CDCA2: variants seen among roughly 807,000 people sequenced by gnomAD.
CDCA2 encodes the protein cell division cycle-associated protein 2.
A neutral mutation model predicts 67.0 loss-of-function variants in CDCA2; 44 were observed. That is an observed-to-expected ratio of 0.66 (90% confidence interval 0.52 to 0.84). The LOEUF is 0.84. Among genes scored for constraint, CDCA2 ranks in the 40% least tolerant of loss-of-function variants. The pLI is 0.00. For synonymous variants in CDCA2, 447 were observed against 418.7 expected (o/e 1.07, Z -0.82); for missense variants, 1,253 against 1,203.2 (o/e 1.04, Z -0.61).
chr8:25,463,706 G>A (rs529946132), intron 4 of CDCA2, among the ~76,000 whole-genome samples: 1 of 152,278 alleles, frequency 6.6e-6, no homozygotes, highest in Non-Finnish European at 1.5e-5. Flanking sequence ...TCAAGGAGAG[G>A]CATTCATTTA....
intron 7 of CDCA2, among the ~76,000 whole-genome samples, chr8:25,470,731 T>G (rs1371428017): frequency 1.3e-5 from 2 of 151,988 alleles, no homozygotes; most frequent in Non-Finnish European, 2.9e-5. Context: ...CAAGATGTTG[T>G]TTTTGGATTA....
chr8:25,483,860 C>A, intron 9 of CDCA2, 106 bp from the exon 10 acceptor site: 1 of 1,007,672 alleles, frequency 9.9e-7, no homozygotes, highest in Non-Finnish European at 1.4e-6. Context: ...AGCTATTATA[C>A]AAATAATAGC....
In CDCA2 at chr8:25,507,506, A is replaced by C. The variant is rs538582951; in HGVS notation, c.2840A>C (p.Lys947Thr). 1,116 of 1,613,806 alleles carry C rather than the reference A, an allele frequency of 6.9e-4. 18 individuals carry two copies. The South Asian group carries it at 0.012, about 17-fold the overall frequency. The change falls in exon 15 of 15, where the codon AAA becomes ACA. Residue 947 changes from lysine (K) to threonine (T), a missense_variant. Coordinates refer to ENST00000330560, the MANE Select transcript of CDCA2 (RefSeq NM_152562.4). ...PIKETVSSRQ[K>T]PQMAPPVSDP... ...AAAGAAACTGTGTCCTCCAGACAAA[A>C]ACCGCAGATGGCACCTCCCGTCTCA...
rs115998499 is a variant in CDCA2 at position 25,503,517 on chromosome 8, A to G, written c.1816A>G (p.Ile606Val). Residue 606 changes from isoleucine (I) to valine (V), a missense_variant, in exon 14 of 15, where the codon ATT (isoleucine) becomes GTT (valine). Physicochemically the swap from Ile to Val is conservative, Grantham distance 29 (BLOSUM62 3). Coordinates refer to ENST00000330560, the MANE Select transcript of CDCA2 (RefSeq NM_152562.4). ...TGAAGTCCCTGAGATGACACCTTCC[A>G]TTCCGAGCATCCGAAGACTGGGTTC... ...LPEVPEMTPS[I>V]PSIRRLGSGY... The G allele has an allele frequency of 1.3e-3, 2,108 of 1,611,560 alleles. 3 individuals are homozygous for G. The highest frequency in any genetic ancestry group is 1.5e-3 in the Non-Finnish European group (1,825 of 1,179,436).
At chr8:25,482,168 A>G (rs772681453) in intron 8 of CDCA2, among the ~76,000 whole-genome samples, 5 of 152,156 alleles carry the variant, frequency 3.3e-5, no homozygotes, top group Admixed American at 6.5e-5. Context: ...TTCTTTCCTA[A>G]CTTGCCTACA....
At chr8:25,477,773 A>G (rs1372447389) in intron 7 of CDCA2, among the ~76,000 whole-genome samples, 1 of 152,068 alleles carries the variant, frequency 6.6e-6, no homozygotes, top group African/African-American at 2.4e-5. Context: ...CCTAATAAAC[A>G]TCTCAAACTG....
At chr8:25,462,254 T>A in intron 4 of CDCA2, 46 bp downstream of exon 4, 2 of 1,589,072 alleles carry the variant, frequency 1.3e-6, no homozygotes, top group Non-Finnish European at 1.7e-6. Context: ...TTAATGAAGC[T>A]TTTGTGCTTT....
intron 4 of CDCA2, among the ~76,000 whole-genome samples, chr8:25,463,598 A>G (rs909121665): frequency 6.6e-6 from 1 of 152,016 alleles, no homozygotes; most frequent in African/African-American, 2.4e-5. Flanking sequence ...TACTCCTTCT[A>G]CTGATTAAAA....
chr8:25,501,603 C>T (rs1370178418), intron 13 of CDCA2, among the ~76,000 whole-genome samples: 1 of 152,218 alleles, frequency 6.6e-6, no homozygotes, highest in African/African-American at 2.4e-5. Flanking sequence ...TTCTGCATCG[C>T]CCCCATAGTA....
At chr8:25,490,986 A>C (rs1179867697) in intron 13 of CDCA2, among the ~76,000 whole-genome samples, 1 of 152,244 alleles carries the variant, frequency 6.6e-6, no homozygotes. Context: ...CTGACTTCAG[A>C]GAAATAGGTT....
intron 14 of CDCA2, among the ~76,000 whole-genome samples, chr8:25,504,182 A>G (rs186245929): frequency 6.6e-6 from 1 of 152,214 alleles, no homozygotes; most frequent in African/African-American, 2.4e-5. Flanking sequence ...TTATTTTATT[A>G]TCAAGTCAGT....
rs558878713 is a variant in CDCA2, at chr8:25,464,104, A to G, written c.387+1896A>G. ...CCTGTAACTACGTTTATATGTTTTC[A>G]GAATTTCACTCTAAACGGTAATTTC... On this transcript the variant is annotated intron_variant, in intron 4 of 14. Coordinates refer to ENST00000330560, the MANE Select transcript of CDCA2 (RefSeq NM_152562.4). Among the ~76,000 whole-genome samples, 4 of 152,338 alleles carry G rather than the reference A, an allele frequency of 2.6e-5. No homozygotes were observed. In the East Asian group the frequency reaches 7.7e-4, roughly 29 times the overall value.
chr8:25,465,762 G>A (rs931053887), intron 4 of CDCA2, among the ~76,000 whole-genome samples: 5 of 152,086 alleles, frequency 3.3e-5, no homozygotes, highest in Admixed American at 6.5e-5. Context: ...GTGTAGACCC[G>A]TGCTGAGTAG....
chr8:25,468,214 T>C lies in CDCA2; in HGVS notation c.539-3T>C, dbSNP rs11996213. Reference sequence around the variant, plus strand: ...TCGTTTTGTTTTTATTTTGTGTTTATAGCCAGAAAGGAAGGTCTCAGCGCT... The same window carrying C: ...TCGTTTTGTTTTTATTTTGTGTTTACAGCCAGAAAGGAAGGTCTCAGCGCT... On this transcript the variant is annotated splice_polypyrimidine_tract_variant and splice_region_variant and intron_variant, in intron 5 of 14. Transcript: ENST00000330560. The C allele has an allele frequency of 0.3, 461,652 of 1,546,898 alleles. 70,077 individuals are homozygous for C. The highest frequency in any genetic ancestry group is 0.34 in the Middle Eastern group (1,942 of 5,776).
At chr8:25,497,528 A>T (rs1367938864) in intron 13 of CDCA2, among the ~76,000 whole-genome samples, 2 of 147,202 alleles carry the variant, frequency 1.4e-5, no homozygotes, top group Non-Finnish European at 3.0e-5. Flanking sequence ...AAACTCACAG[A>T]AGCTGAGAAT....
At chr8:25,466,508 A>C (rs1460494185) in intron 5 of CDCA2, among the ~76,000 whole-genome samples, 183 bp downstream of exon 5, 3 of 152,204 alleles carry the variant, frequency 2.0e-5, no homozygotes, top group Non-Finnish European at 2.9e-5. Flanking sequence ...CTCTTAGAAA[A>C]AAAAACCTGT....
At chr8:25,463,380 CT>C (rs1802776717) in intron 4 of CDCA2, among the ~76,000 whole-genome samples, 1 of 152,088 alleles carries the variant, frequency 6.6e-6, no homozygotes, top group South Asian at 2.1e-4. Context: ...TTTCTAAGGC[CT>C]GGTGATGTAG....
rs761701991 is a variant in CDCA2 at position 25,506,581 on chromosome 8, T to C, written c.1915T>C (p.Leu639=). 4.4e-6 allele frequency: 7 copies of C among 1,603,970 alleles called. No homozygotes were observed. In the East Asian group the frequency reaches 1.6e-4, roughly 36 times the overall value. The change falls in exon 15 of 15, where the codon TTG becomes CTG. Residue 639 remains leucine (L), a synonymous_variant. Coordinates refer to ENST00000330560, the MANE Select transcript of CDCA2 (RefSeq NM_152562.4). ...PKNPVKRKDL[L]RHDPDLHMHQ... ...AAATCCAGTGAAAAGAAAGGATCTT[T>C]TGCGTCATGACCCAGATTTGCATAT...
At chr8:25,476,881 C>T (rs570659469) in intron 7 of CDCA2, among the ~76,000 whole-genome samples, 10 of 152,132 alleles carry the variant, frequency 6.6e-5, no homozygotes, top group African/African-American at 2.4e-4. Context: ...GGACTGATTC[C>T]CATTGCTCCT....
Sources: gnomAD v4.1 joint callset for allele counts (sites outside exome capture counted in the v4.1 genomes callset) on GRCh38, gnomAD v4.1.1 for gene constraint, MANE v1.5 for transcripts, NCBI Gene and HGNC (gene_info 2026-07-23, HGNC 2026-07-21) for gene names.